The following RBFOX1 variants were observed in gnomAD, a reference collection of about 807,000 sequenced individuals.
RBFOX1 encodes RNA binding fox-1 homolog 1, also known as RNA binding protein fox-1 homolog 1.
In RBFOX1, 8 loss-of-function variants were observed where a neutral mutation model predicts 57.7. The ratio of observed to expected loss-of-function variants is 0.14; its 90% CI spans 0.08 to 0.25. RBFOX1 has a LOEUF of 0.25. Ranked by LOEUF, RBFOX1 falls within the 10% of genes least tolerant of loss-of-function variation. RBFOX1 has a pLI of 1.00. For missense variants in RBFOX1, 611 were observed against 548.5 expected (o/e 1.11, Z -1.14); for synonymous variants, 326 against 222.4 (o/e 1.47, Z -4.15).
chr16:5,864,237 A>G (rs2057293617), intron 3 of RBFOX1, among the ~76,000 whole-genome samples: 1 of 152,232 alleles, frequency 6.6e-6, no homozygotes, highest in African/African-American at 2.4e-5. Context: ...CATGATCACA[A>G]CACTATTCAC....
rs117786040 is a variant in RBFOX1, at chr16:6,857,725, G to C, written c.-15-194332G>C. Among the ~76,000 whole-genome samples the C allele has an allele frequency of 2.4e-3, 363 of 152,280 alleles. 2 individuals are homozygous for C. Among genetic ancestry groups the C allele is most frequent in the Non-Finnish European group, 4.5e-3 (303 of 68,018 alleles). On this transcript the variant is annotated intron_variant, in intron 3 of 15. Coordinates refer to ENST00000550418, the MANE Select transcript of RBFOX1 (RefSeq NM_018723.4). ...GTTGTTCATGATTTCCCATTCTCCTGTAAATTGGGAGAGGCAGGGAGAGCA... is the reference window on the plus strand; with the variant it reads ...GTTGTTCATGATTTCCCATTCTCCTCTAAATTGGGAGAGGCAGGGAGAGCA...
intron 3 of RBFOX1, among the ~76,000 whole-genome samples, chr16:6,734,155 T>A (rs899891943): frequency 2.6e-5 from 4 of 152,210 alleles, no homozygotes; most frequent in Admixed American, 2.6e-4. Context: ...ACAGGTTTAT[T>A]TGACGTTTTT....
intron 1 of RBFOX1, among the ~76,000 whole-genome samples, chr16:5,412,885 G>C (rs566904498): frequency 6.6e-5 from 10 of 152,162 alleles, no homozygotes; most frequent in Non-Finnish European, 1.3e-4. Context: ...GCAAATGCTG[G>C]AATTCCCCAG....
At chr16:6,872,507 C>T (rs948990432) in intron 3 of RBFOX1, among the ~76,000 whole-genome samples, 1 of 152,082 alleles carries the variant, frequency 6.6e-6, no homozygotes, top group Non-Finnish European at 1.5e-5. Flanking sequence ...CCCTGAATTC[C>T]CTATGATTTT....
At chr16:6,342,671 C>G (rs1019869675) in intron 2 of RBFOX1, among the ~76,000 whole-genome samples, 1 of 152,140 alleles carries the variant, frequency 6.6e-6, no homozygotes, top group African/African-American at 2.4e-5. Context: ...TCCATTTCTT[C>G]CAAATATAAC....
chr16:7,166,972 C>CTTTTTTTTTTTTTTTTTTTTTT lies in RBFOX1; in HGVS notation c.27+114888_27+114909dup, dbSNP rs537293692. On this transcript the variant is annotated intron_variant, in intron 4 of 15. Transcript: ENST00000550418. ...AGCCCCAGATTGCTGCATTGGTGTT[C>CTTTTTTTTTTTTTTTTTTTTTT]TTTTTTTTTTTTTTTTTTTTTTTTT... Among the ~76,000 whole-genome samples the CTTTTTTTTTTTTTTTTTTTTTT allele has an allele frequency of 6.3e-4, 31 of 49,110 alleles. 5 individuals carry two copies. The highest frequency in any genetic ancestry group is 2.2e-3 in the South Asian group (2 of 892). 32.2% of individuals were successfully genotyped at this position (49,110 alleles called of 152,430 possible).
chr16:5,332,504 T>C (rs1336727068), intron 1 of RBFOX1, among the ~76,000 whole-genome samples: 2 of 152,128 alleles, frequency 1.3e-5, no homozygotes, highest in Admixed American at 6.6e-5. Context: ...CCTCATGTGA[T>C]CTGCCTACCT....
In RBFOX1 at chr16:7,595,890, C is replaced by T. The variant is rs181391865; in HGVS notation, c.561+249C>T. 1.7e-4 allele frequency among the ~76,000 whole-genome samples: 26 copies of T among 150,576 alleles called. No homozygotes were observed. In the East Asian group the frequency reaches 4.5e-3, roughly 26 times the overall value. ...AACGTGAGACAAAAGAAAGGTTAAT[C>T]GGAAAGTGTTTTTTTGTTGTTATTT... On this transcript the variant is annotated intron_variant, in intron 8 of 15. Coordinates refer to ENST00000550418, the MANE Select transcript of RBFOX1 (RefSeq NM_018723.4).
chr16:5,450,724 G>A (rs1452669630), intron 1 of RBFOX1, among the ~76,000 whole-genome samples: 2 of 152,214 alleles, frequency 1.3e-5, no homozygotes, highest in African/African-American at 4.8e-5. Flanking sequence ...CGGCTCTGAT[G>A]CCTTGCTGGG....
At chr16:7,571,888 G>C in intron 5 of RBFOX1, among the ~76,000 whole-genome samples, 1 of 152,130 alleles carries the variant, frequency 6.6e-6, no homozygotes, top group East Asian at 1.9e-4. Flanking sequence ...CAGCACTTTG[G>C]GAGGCCAAGG....
At chr16:5,421,936 G>C (rs1328804868) in intron 1 of RBFOX1, among the ~76,000 whole-genome samples, 1 of 152,144 alleles carries the variant, frequency 6.6e-6, no homozygotes, top group Non-Finnish European at 1.5e-5. Flanking sequence ...TGAGTGTCAA[G>C]AATACGAAAA....
chr16:7,217,780 T>C (rs1011338089), intron 4 of RBFOX1, among the ~76,000 whole-genome samples: 1 of 152,340 alleles, frequency 6.6e-6, no homozygotes, highest in Admixed American at 6.5e-5. Context: ...AACATTTTTA[T>C]AGTGAAGGTT....
intron 10 of RBFOX1, among the ~76,000 whole-genome samples, chr16:7,612,884 C>T (rs376205798): frequency 3.3e-5 from 5 of 152,092 alleles, no homozygotes; most frequent in African/African-American, 9.7e-5. Flanking sequence ...ATTCCATCAG[C>T]GGGACTATAA....
chr16:7,557,868 A>G (rs1251946203), intron 5 of RBFOX1, among the ~76,000 whole-genome samples: 1 of 152,032 alleles, frequency 6.6e-6, no homozygotes, highest in Non-Finnish European at 1.5e-5. Flanking sequence ...CATCATGGCC[A>G]TTGCAAGATA....
intron 3 of RBFOX1, among the ~76,000 whole-genome samples, chr16:6,923,365 C>G (rs2074908122): frequency 6.6e-6 from 1 of 152,110 alleles, no homozygotes; most frequent in Non-Finnish European, 1.5e-5. Flanking sequence ...GAAACCCCAT[C>G]TCTACTAACA....
At chr16:7,017,939 G>A (rs1389239791) in intron 3 of RBFOX1, among the ~76,000 whole-genome samples, 1 of 152,160 alleles carries the variant, frequency 6.6e-6, no homozygotes, top group East Asian at 1.9e-4. Context: ...CAAACTGTCG[G>A]CGACGTGTGA....
At chr16:6,140,960 TC>T (rs2096711317) in intron 1 of RBFOX1, among the ~76,000 whole-genome samples, 2 of 151,844 alleles carry the variant, frequency 1.3e-5, no homozygotes, top group African/African-American at 4.8e-5. Context: ...GCTCGTATTC[TC>T]CCCAAGCTCT....
chr16:5,986,043 T>C (rs938477989), intron 4 of RBFOX1, among the ~76,000 whole-genome samples: 1 of 146,694 alleles, frequency 6.8e-6, no homozygotes, highest in African/African-American at 2.6e-5. Flanking sequence ...TTATTTTCTA[T>C]TGATTTTTTT....
At chr16:5,505,550 C>A (rs2043350818) in intron 2 of RBFOX1, among the ~76,000 whole-genome samples, 2 of 152,156 alleles carry the variant, frequency 1.3e-5, no homozygotes, top group African/African-American at 2.4e-5. Flanking sequence ...GCCCCTCTTA[C>A]CCCTCACAGT....
Sources: gnomAD v4.1 joint callset for allele counts (sites outside exome capture counted in the v4.1 genomes callset) on GRCh38, gnomAD v4.1.1 for gene constraint, MANE v1.5 for transcripts, NCBI Gene and HGNC (gene_info 2026-07-23, HGNC 2026-07-21) for gene names.